The following PRR13 variants were observed in gnomAD, a reference collection of about 807,000 sequenced individuals.
PRR13 encodes the protein proline rich 13, also known as proline-rich protein 13.
Under a neutral mutation model 11.5 loss-of-function variants are expected in PRR13, and 7 were observed. That is an observed-to-expected ratio of 0.61 (90% CI 0.34 to 1.14). The LOEUF (loss-of-function observed/expected upper bound fraction) is 1.14. Ranked by LOEUF, PRR13 falls within the 50% of genes most tolerant of loss-of-function variation. The probability of loss-of-function intolerance (pLI) is 0.03; values close to 1 mark genes in which losing one functional copy is unlikely to be tolerated. For missense variants in PRR13, 155 were observed against 194.4 expected (o/e 0.80, Z 1.21); for synonymous variants, 53 against 67.8 (o/e 0.78, Z 1.07).
chr12:53,446,111 A>C lies in PRR13; in HGVS notation c.*52A>C. On this transcript the variant is annotated 3_prime_UTR_variant, in exon 4 of 4. Coordinates refer to ENST00000429243, the MANE Select transcript of PRR13 (RefSeq NM_018457.4). ...GTCTCACCAGTTCTGCTCTCCCATC[A>C]AGCTTCAGATGCCATGTTGTACTGG... 6.2e-7 allele frequency: 1 copy of C among 1,610,278 alleles called. No individual in the cohort carries two copies. The highest frequency in any genetic ancestry group is 2.2e-5 in the East Asian group (1 of 44,864).
intron 3 of PRR13, among the ~76,000 whole-genome samples, chr12:53,445,346 TAAA>T (rs4020479): frequency 6.6e-5 from 7 of 106,620 alleles, no homozygotes; most frequent in Non-Finnish European, 6.3e-5. Flanking sequence ...AAACTCCGTC[TAAA>T]AAAAAAAAAA....
chr12:53,443,748 A>G lies in PRR13; in HGVS notation c.377A>G (p.His126Arg), dbSNP rs368821652. 1.9e-6 allele frequency: 3 copies of G among 1,606,708 alleles called. No homozygotes were observed. In the African/African-American group the frequency reaches 4.0e-5, roughly 21 times the overall value. ...AAAAAGATGCACAAGCACCAAAAGC[A>G]CCACAAGTACCACAAGCATGGCAAG... is the stretch of plus-strand genomic sequence containing the variant. ...AHKKMHKHQK[H>R]HKYHKHGKHS... Residue 126 changes from histidine (H) to arginine (R), a missense_variant, in exon 3 of 4, where the codon CAC (histidine) becomes CGC (arginine). Coordinates refer to ENST00000429243, the MANE Select transcript of PRR13 (RefSeq NM_018457.4).
Position 53,446,121 on chromosome 12 carries a change from T to C in PRR13, c.*62T>C. On this transcript the variant is annotated 3_prime_UTR_variant, in exon 4 of 4. Transcript: ENST00000429243. Reference sequence around the variant, plus strand: ...TTCTGCTCTCCCATCAAGCTTCAGATGCCATGTTGTACTGGGGGAATGTAG... The same window carrying C: ...TTCTGCTCTCCCATCAAGCTTCAGACGCCATGTTGTACTGGGGGAATGTAG... The C allele has an allele frequency of 6.2e-7, 1 of 1,609,434 alleles. No individual in the cohort carries two copies. The highest frequency in any genetic ancestry group is 8.5e-7 in the Non-Finnish European group (1 of 1,179,890).
intron 1 of PRR13, chr12:53,442,464 C>T (rs940248051): frequency 3.0e-5 from 13 of 427,534 alleles, no homozygotes; most frequent in Non-Finnish European, 4.7e-5. Flanking sequence ...AGGCTGGTCT[C>T]GAACTCTTGA....
rs906289436 is a variant in PRR13, at chr12:53,441,812, C to T, written c.-21+20C>T. On this transcript the variant is annotated intron_variant, in intron 1 of 3. Coordinates refer to ENST00000429243, the MANE Select transcript of PRR13 (RefSeq NM_018457.4). ...GGAAAGGTGATGGGGTATCTGGATT[C>T]CATAGGTTTTTCCTTTTCCCCTTGC... The T allele has an allele frequency of 3.0e-5, 21 of 702,130 alleles. No individual in the cohort carries two copies. The highest frequency in any genetic ancestry group is 5.5e-5 in the Non-Finnish European group (21 of 384,814). The allele number at this position is 702,130 out of a possible 1,614,324, so 43.5% of individuals were successfully genotyped here. A position where few individuals can be genotyped will look rare whatever the true frequency, so the allele number is the denominator to read the frequency against.
intron 2 of PRR13, 22 bp downstream of exon 2, chr12:53,442,755 T>C: frequency 6.2e-7 from 1 of 1,602,558 alleles, no homozygotes; most frequent in Non-Finnish European, 8.6e-7. Flanking sequence ...GGGGTTCTGT[T>C]CCACCCCTAA....
intron 2 of PRR13, chr12:53,443,074 C>G (rs1480574588): frequency 2.7e-6 from 1 of 369,784 alleles, no homozygotes; most frequent in African/African-American, 2.1e-5. Context: ...CCAGGCTGGT[C>G]TCAAACTCAT....
Position 53,446,011 on chromosome 12 carries a change from G to T in PRR13, c.403-4G>T, listed in dbSNP as rs747730485. 1 of 1,491,416 alleles carries T rather than the reference G, an allele frequency of 6.7e-7. No homozygotes were observed. 92.4% of individuals were successfully genotyped at this position (1,491,416 alleles called of 1,614,324 possible). On this transcript the variant is annotated splice_region_variant and splice_polypyrimidine_tract_variant and intron_variant, in intron 3 of 3. Coordinates refer to ENST00000429243, the MANE Select transcript of PRR13 (RefSeq NM_018457.4). ...TCTTTCCCCTTTCCCCTTTCCCCTT[G>T]CAGCATTCCTCCTCTTCCTCCTCCT...
In PRR13 at chr12:53,443,387, C is replaced by A; in HGVS notation, c.20-4C>A. 10 of 1,394,390 alleles carry A rather than the reference C, an allele frequency of 7.2e-6. No individual in the cohort carries two copies. The highest frequency in any genetic ancestry group is 9.4e-6 in the Non-Finnish European group (10 of 1,066,026). 86.4% of individuals were successfully genotyped at this position (1,394,390 alleles called of 1,614,324 possible). Reference sequence around the variant, plus strand: ...TAATGTTTATTCTCTGCTTCTTCCACCAGGGCAGCCAGGGCCAAATCCATA... The same window carrying A: ...TAATGTTTATTCTCTGCTTCTTCCAACAGGGCAGCCAGGGCCAAATCCATA... On this transcript the variant is annotated splice_region_variant and splice_polypyrimidine_tract_variant and intron_variant, in intron 2 of 3. Transcript: ENST00000429243.
Position 53,446,020 on chromosome 12 carries a change from C to T in PRR13, c.408C>T (p.Ser136=). ...HHKYHKHGKH[S]SSSSSSSSSD... is the part of the protein sequence containing the mutation. Reference sequence around the variant, plus strand: ...TTTCCCCTTTCCCCTTGCAGCATTCCTCCTCTTCCTCCTCCTCTTCCAGCA... The same window carrying T: ...TTTCCCCTTTCCCCTTGCAGCATTCTTCCTCTTCCTCCTCCTCTTCCAGCA... The change falls in exon 4 of 4, where the codon TCC becomes TCT. Residue 136 remains serine (S), a synonymous_variant. Transcript: ENST00000429243. 6.2e-7 allele frequency: 1 copy of T among 1,605,034 alleles called. No homozygotes were observed. Among genetic ancestry groups the T allele is most frequent in the Non-Finnish European group, 8.5e-7 (1 of 1,176,232 alleles).
chr12:53,445,958 GA>G, intron 3 of PRR13, 56 bp from the exon 4 acceptor site: 1 of 1,613,642 alleles, frequency 6.2e-7, no homozygotes, highest in Non-Finnish European at 8.5e-7. Flanking sequence ...ACGGAGTGAT[GA>G]AAGGTCATTT....
intron 1 of PRR13, chr12:53,442,215 C>A: frequency 4.0e-6 from 1 of 251,182 alleles, no homozygotes; most frequent in Non-Finnish European, 7.6e-6. Flanking sequence ...GTATTGAGGG[C>A]GAAGAAACAA....
chr12:53,445,409 C>T (rs535221379), intron 3 of PRR13, among the ~76,000 whole-genome samples: 12 of 150,438 alleles, frequency 8.0e-5, no homozygotes, highest in African/African-American at 2.4e-4. Flanking sequence ...TGGGGAAAAG[C>T]GGGAGAAATT....
chr12:53,443,970 TCTC>T (rs1940349418), intron 3 of PRR13, 197 bp downstream of exon 3: 2 of 737,168 alleles, frequency 2.7e-6, no homozygotes, highest in Non-Finnish European at 2.2e-6. Context: ...ACATCAGGCT[TCTC>T]CTATCTGGGG....
chr12:53,444,421 C>T (rs536789661), intron 3 of PRR13, among the ~76,000 whole-genome samples: 1 of 151,966 alleles, frequency 6.6e-6, no homozygotes, highest in South Asian at 2.1e-4. Context: ...GCTCCGCCTC[C>T]CAGGTTCACG....
In PRR13 at chr12:53,445,672, C is replaced by T. The variant is rs540834241; in HGVS notation, c.403-343C>T. On this transcript the variant is annotated intron_variant, in intron 3 of 3. Transcript: ENST00000429243. ...TAATGAATAAGCATTGAAAAGGTAA[C>T]AGCTGTTTCCTAGCACTATACTATG... is the stretch of plus-strand genomic sequence containing the variant. Among the ~76,000 whole-genome samples the T allele has an allele frequency of 4.6e-5, 7 of 152,330 alleles. No individual in the cohort carries two copies. The East Asian group carries it at 1.4e-3, about 29-fold the overall frequency.
intron 2 of PRR13, 36 bp from the exon 3 acceptor site, chr12:53,443,355 G>C: frequency 7.4e-7 from 1 of 1,349,754 alleles, no homozygotes; most frequent in Non-Finnish European, 9.6e-7. Flanking sequence ...GAGACTCTGG[G>C]GAATTCTAAT....
In PRR13 at chr12:53,443,400, G is replaced by T; in HGVS notation, c.29G>T (p.Gly10Val). 1 of 1,406,482 alleles carries T rather than the reference G, an allele frequency of 7.1e-7. No homozygotes were observed. The highest frequency in any genetic ancestry group is 2.5e-5 in the East Asian group (1 of 39,268). 87.1% of individuals were successfully genotyped at this position (1,406,482 alleles called of 1,614,324 possible). Residue 10 changes from glycine (G) to valine (V), a missense_variant, in exon 3 of 4, where the codon GGG becomes GTG. Physicochemically the swap from Gly to Val is moderately radical, Grantham distance 109 (BLOSUM62 -3). Coordinates refer to ENST00000429243, the MANE Select transcript of PRR13 (RefSeq NM_018457.4). MWNPNAGQP[G>V]PNPYPPNIGC... ...CTGCTTCTTCCACCAGGGCAGCCAG[G>T]GCCAAATCCATATCCCCCCAATATT...
At chr12:53,444,341 T>G (rs2136991222) in intron 3 of PRR13, among the ~76,000 whole-genome samples, 1 of 151,660 alleles carries the variant, frequency 6.6e-6, no homozygotes, top group East Asian at 1.9e-4. Flanking sequence ...TTTTTTTTTT[T>G]TTTTTTGAGA....
Sources: allele counts gnomAD v4.1 joint callset (sites outside exome capture counted in the v4.1 genomes callset), GRCh38; gene constraint gnomAD v4.1.1; transcripts MANE v1.5; gene names NCBI Gene and HGNC (gene_info 2026-07-23, HGNC 2026-07-21).